TCF4: variants seen among roughly 807,000 people sequenced by gnomAD.
The protein encoded by TCF4 is transcription factor 4, also known as SL3-3 enhancer factor 2.
A neutral mutation model predicts 82.1 loss-of-function variants in TCF4; 3 were observed. That is an observed-to-expected ratio of 0.04 (90% CI 0.02 to 0.09). The LOEUF is 0.09. Ranked by LOEUF, TCF4 falls within the 10% of genes least tolerant of loss-of-function variation. The pLI, the probability that TCF4 is intolerant of heterozygous loss-of-function variation, is 1.00. For synonymous variants in TCF4, 276 were observed against 309.6 expected, an observed-to-expected ratio of 0.89 and a Z score of 1.14; for missense variants, 518 against 852.7, an observed-to-expected ratio of 0.61 and a Z score of 4.89.
intron 13 of TCF4, among the ~76,000 whole-genome samples, chr18:55,258,998 T>C (rs1319651251): frequency 2.6e-5 from 4 of 152,132 alleles, no homozygotes; most frequent in Non-Finnish European, 5.9e-5. Context: ...CCACGGAGGC[T>C]TGGAAGAGGT....
intron 15 of TCF4, among the ~76,000 whole-genome samples, chr18:55,249,528 T>C (rs189089515): frequency 1.9e-3 from 291 of 152,290 alleles, no homozygotes; most frequent in African/African-American, 6.5e-3. Context: ...TAAACAACCA[T>C]GTGATCTTTC....
intron 3 of TCF4, chr18:55,495,485 A>G (rs2145900545): frequency 6.6e-6 from 1 of 152,278 alleles, no homozygotes; most frequent in African/African-American, 2.4e-5. Flanking sequence ...TTTAATTATG[A>G]GAGTTGTTCA....
intron 3 of TCF4, among the ~76,000 whole-genome samples, chr18:55,517,902 T>G (rs541374248): frequency 1.3e-5 from 2 of 152,286 alleles, no homozygotes; most frequent in South Asian, 4.1e-4. Context: ...TGTTTGACCT[T>G]GCATTTCAAT....
intron 1 of TCF4, among the ~76,000 whole-genome samples, chr18:55,634,769 AG>A (rs1205738001): frequency 1.3e-5 from 2 of 152,234 alleles, no homozygotes; most frequent in Non-Finnish European, 2.9e-5. Flanking sequence ...TAATCTAGAC[AG>A]GAAATTGTTA....
intron 8 of TCF4, among the ~76,000 whole-genome samples, chr18:55,303,230 C>CACACACACACACACACACACACACCCCT (rs1568860349): frequency 9.9e-4 from 86 of 86,948 alleles, no homozygotes; most frequent in South Asian, 1.6e-3. Flanking sequence ...AGTACGTACA[C>CACACACACACACACACACACACACCCCT]ACACACACAC....
intron 8 of TCF4, among the ~76,000 whole-genome samples, chr18:55,291,945 G>T (rs868616685): frequency 6.6e-6 from 1 of 152,160 alleles, no homozygotes; most frequent in Non-Finnish European, 1.5e-5. Context: ...ATGAGCTAAA[G>T]AAATGTAAAG....
rs1377476561 is a variant in TCF4, at chr18:55,577,130, TTA to T, written c.145+8148_145+8149del. The stretch of plus-strand genomic sequence containing the variant: ...TATATGTATATATACATTTATATAT[TTA>T]TATATACATTTATATATTTATATAT... On this transcript the variant is annotated intron_variant, in intron 3 of 19. Transcript: ENST00000354452. 3.2e-5 allele frequency among the ~76,000 whole-genome samples: 4 copies of T among 123,674 alleles called. No homozygotes were observed. In the Admixed American group the frequency reaches 3.4e-4, roughly 10 times the overall value. 81.1% of individuals were successfully genotyped at this position (123,674 alleles called of 152,430 possible). A position where few individuals can be genotyped will look rare whatever the true frequency, so the allele number is the denominator to read the frequency against.
intron 17 of TCF4, chr18:55,231,668 T>C (rs2047962162): frequency 6.6e-6 from 1 of 152,226 alleles, no homozygotes; most frequent in African/African-American, 2.4e-5. Context: ...AAAGGGGTTA[T>C]CTAGAAGTAT....
At chr18:55,425,622 C>T (rs978211302) in intron 5 of TCF4, among the ~76,000 whole-genome samples, 2 of 151,968 alleles carry the variant, frequency 1.3e-5, no homozygotes, top group Non-Finnish European at 2.9e-5. Context: ...AGACTCTACA[C>T]ATTTGCATTA....
chr18:55,622,063 T>TGTATATATAATATATATATACACA (rs1430068786), intron 2 of TCF4, among the ~76,000 whole-genome samples: 10 of 138,420 alleles, frequency 7.2e-5, no homozygotes, highest in Non-Finnish European at 1.4e-4. Context: ...ATATATACAC[T>TGTATATATAATATATATATACACA]GTATATATAA....
intron 11 of TCF4, chr18:55,266,560 T>A (rs2059222694): frequency 6.6e-6 from 1 of 152,080 alleles, no homozygotes; most frequent in Non-Finnish European, 1.5e-5. Context: ...TCTCCAGAGT[T>A]TGCCAGCAAG....
intron 8 of TCF4, among the ~76,000 whole-genome samples, chr18:55,314,622 A>G (rs1465887673): frequency 6.6e-6 from 1 of 151,402 alleles, no homozygotes; most frequent in Admixed American, 6.6e-5. Context: ...GGGCACTTGT[A>G]TCTTGCTTCC....
At chr18:55,605,285 AAG>A (rs2097701224) in intron 2 of TCF4, among the ~76,000 whole-genome samples, 1 of 152,160 alleles carries the variant, frequency 6.6e-6, no homozygotes, top group Non-Finnish European at 1.5e-5. Flanking sequence ...TGTGAGCTGA[AAG>A]AGCCGCAATC....
rs1568175293 is a variant in TCF4 at position 55,480,296 on chromosome 18, A to AAAG, written c.146-16160_146-16159insCTT. Among the ~76,000 whole-genome samples the AAAG allele has an allele frequency of 1.7e-3, 107 of 63,328 alleles. 1 individual carries two copies. Among genetic ancestry groups the AAAG allele is most frequent in the South Asian group, 2.5e-3 (4 of 1,618 alleles). 41.5% of individuals were successfully genotyped at this position (63,328 alleles called of 152,430 possible). On this transcript the variant is annotated intron_variant, in intron 3 of 19. Transcript: ENST00000354452. ...AACTCCAAAAAAAAAAAAAAAAAAA[A>AAAG]GCGGGGGGGCGGGGGGAGGATATTA...
intron 8 of TCF4, among the ~76,000 whole-genome samples, chr18:55,291,257 G>A (rs941733782): frequency 3.3e-5 from 5 of 152,166 alleles, no homozygotes; most frequent in Non-Finnish European, 2.9e-5. Flanking sequence ...ATCACCTACA[G>A]TCTAAGGAAT....
chr18:55,634,099 T>C (rs1026861380), intron 1 of TCF4, among the ~76,000 whole-genome samples: 1 of 152,010 alleles, frequency 6.6e-6, no homozygotes, highest in African/African-American at 2.4e-5. Flanking sequence ...TGAAACCCCG[T>C]CTCTACTAAA....
At chr18:55,343,456 A>G (rs1180349304) in intron 8 of TCF4, among the ~76,000 whole-genome samples, 1 of 152,160 alleles carries the variant, frequency 6.6e-6, no homozygotes, top group Non-Finnish European at 1.5e-5. Flanking sequence ...TCCTCAGATG[A>G]CAAAGTCAGA....
intron 6 of TCF4, among the ~76,000 whole-genome samples, chr18:55,360,647 GAC>G (rs2084863520): frequency 6.6e-6 from 1 of 151,528 alleles, no homozygotes; most frequent in Non-Finnish European, 1.5e-5. Context: ...AAACAGGTCA[GAC>G]AGTGTTCCAG....
At chr18:55,483,154 T>C (rs1252958388) in intron 3 of TCF4, among the ~76,000 whole-genome samples, 1 of 152,180 alleles carries the variant, frequency 6.6e-6, no homozygotes, top group Admixed American at 6.5e-5. Context: ...GGCTGTGTCT[T>C]TAGCCCCTCA....
Sources: allele counts gnomAD v4.1 joint callset (sites outside exome capture counted in the v4.1 genomes callset), GRCh38; gene constraint gnomAD v4.1.1; transcripts MANE v1.5; gene names NCBI Gene and HGNC (gene_info 2026-07-23, HGNC 2026-07-21).